CYP4F2: variants seen among roughly 807,000 people sequenced by gnomAD.
CYP4F2 encodes the protein cytochrome P450 4F2.
A neutral mutation model predicts 58.9 loss-of-function variants in CYP4F2; 58 were observed. The observed-to-expected ratio is 0.98, with a 90% CI of 0.80 to 1.23. The LOEUF is 1.23. Ranked by LOEUF, CYP4F2 falls within the 50% of genes most tolerant of loss-of-function variation. The probability of loss-of-function intolerance (pLI) is 0.00; values close to 1 mark genes in which losing one functional copy is unlikely to be tolerated. For missense variants in CYP4F2, 616 were observed against 685.6 expected, an observed-to-expected ratio of 0.90 and a Z score of 1.13; for synonymous variants, 287 against 261.1, an observed-to-expected ratio of 1.10 and a Z score of -0.95.
At chr19:15,883,016 C>T (rs535554805) in intron 9 of CYP4F2, among the ~76,000 whole-genome samples, 128 of 152,246 alleles carry the variant, frequency 8.4e-4, no homozygotes, top group Admixed American at 2.4e-3. Flanking sequence ...TTAACCACAT[C>T]CATAATTTTG....
Position 15,892,322 on chromosome 19 carries a change from A to T in CYP4F2, c.512T>A (p.Val171Glu). ...KPYMKIFNES[V>E]NIMHAKWQLL... ...CAAATAACTCACGTGCATGATGTTC[A>T]CACTCTCATTGAAAATCTTCATATA... Residue 171 changes from valine to glutamate, a missense_variant, in exon 5 of 13, where the codon GTG (valine) becomes GAG (glutamate). Physicochemically the swap from Val to Glu is moderately radical, Grantham distance 121. Transcript: ENST00000221700. 6.2e-7 allele frequency: 1 copy of T among 1,614,176 alleles called. No individual in the cohort carries two copies. Among genetic ancestry groups the T allele is most frequent in the Non-Finnish European group, 8.5e-7 (1 of 1,180,030 alleles).
intron 2 of CYP4F2, 96 bp downstream of exon 2, chr19:15,897,318 T>TC: frequency 9.0e-7 from 1 of 1,112,524 alleles, no homozygotes; most frequent in Non-Finnish European, 1.3e-6. Context: ...CCACCCCAGA[T>TC]CCCAGCCCAC....
Position 15,890,335 on chromosome 19 carries a change from GA to G in CYP4F2, c.623del (p.Phe208SerfsTer97). 1 of 1,614,132 alleles carries G rather than the reference GA, an allele frequency of 6.2e-7. No individual in the cohort carries two copies. The highest frequency in any genetic ancestry group is 1.1e-5 in the South Asian group (1 of 91,074). Reference sequence around the variant, plus strand: ...ACTCCTGACAATGGCTGTCAAAGCTGAAGACACATTTCTGTAGACTGTCCAA... The same window carrying G: ...ACTCCTGACAATGGCTGTCAAAGCTGAGACACATTTCTGTAGACTGTCCAA... ...MTLDSLQKCV[F>X]SFDSHCQEKP... On this transcript the variant is annotated frameshift_variant, in exon 6 of 13. Coordinates refer to ENST00000221700, the MANE Select transcript of CYP4F2 (RefSeq NM_001082.5). LOFTEE classifies it high-confidence loss of function.
At position 15,895,510 on chromosome 19, in the gene CYP4F2, G is replaced by C. The variant is rs762075549; in HGVS notation, c.339C>G (p.Ala113=). ...HPDIIRSVIN[A]SAAIAPKDKF... is the part of the protein sequence containing the mutation. ...ACCAGCTGTTCCAGATGGTACCTGA[G>C]GCGTTGATGACAGACCGGATGATGT... The change falls in exon 3 of 13, where the codon GCC becomes GCG. Residue 113 remains alanine, a synonymous_variant. Transcript: ENST00000221700. The C allele has an allele frequency of 2.0e-6, 3 of 1,517,926 alleles. No individual in the cohort carries two copies. Among genetic ancestry groups the C allele is most frequent in the Non-Finnish European group, 2.6e-6 (3 of 1,142,650 alleles). 94.0% of individuals were successfully genotyped at this position (1,517,926 alleles called of 1,614,324 possible).
At chr19:15,893,878 G>A (rs973120638) in intron 3 of CYP4F2, 36 of 266,056 alleles carry the variant, frequency 1.4e-4, no homozygotes, top group Non-Finnish European at 2.2e-4. Context: ...TCTGAGCTGT[G>A]AATCTGGAGA....
At position 15,889,537 on chromosome 19, in the gene CYP4F2, A is replaced by C; in HGVS notation, c.804T>G (p.Asp268Glu). ...TGCGGCGCCGCTCCTGGATGACGGC[A>C]TCTGTGAAGTCGTGCACCAGGCGGC... ...RACRLVHDFT[D>E]AVIQERRRTL... Residue 268 changes from aspartate (D) to glutamate (E), a missense_variant, in exon 7 of 13, where the codon GAT becomes GAG. Transcript: ENST00000221700. 1 of 1,614,218 alleles carries C rather than the reference A, an allele frequency of 6.2e-7. No individual in the cohort carries two copies. The highest frequency in any genetic ancestry group is 8.5e-7 in the Non-Finnish European group (1 of 1,180,044).
chr19:15,882,584 G>A (rs559446853), intron 9 of CYP4F2, among the ~76,000 whole-genome samples: 1 of 34,408 alleles, frequency 2.9e-5, no homozygotes, highest in Admixed American at 2.1e-4. Flanking sequence ...ATATATATAT[G>A]TTCTCAACAT....
chr19:15,883,240 ATATAT>A (rs1480197283), intron 9 of CYP4F2, among the ~76,000 whole-genome samples: 1 of 152,196 alleles, frequency 6.6e-6, no homozygotes, highest in African/African-American at 2.4e-5. Context: ...AATAACCAGA[ATATAT>A]TATATAAGGA....
chr19:15,885,532 T>G (rs1172830482), intron 9 of CYP4F2, among the ~76,000 whole-genome samples: 2 of 152,146 alleles, frequency 1.3e-5, no homozygotes, highest in African/African-American at 2.4e-5. Flanking sequence ...TAGGTCTCCC[T>G]TATAAAACCC....
intron 9 of CYP4F2, among the ~76,000 whole-genome samples, chr19:15,884,997 C>CTACCATCT (rs146375791): frequency 0.13 from 19,646 of 152,098 alleles, 1,490 homozygotes; most frequent in Non-Finnish European, 0.17. Context: ...CCACAGCCAG[C>CTACCATCT]CCCTGCTACC....
At chr19:15,885,888 A>G in intron 9 of CYP4F2, 36 bp downstream of exon 9, 1 of 1,596,552 alleles carries the variant, frequency 6.3e-7, no homozygotes, top group Non-Finnish European at 8.5e-7. Flanking sequence ...GCCAATGAGA[A>G]GGTCTCAGGA....
chr19:15,893,313 A>C (rs1324212814), intron 3 of CYP4F2, among the ~76,000 whole-genome samples: 3 of 152,102 alleles, frequency 2.0e-5, no homozygotes, highest in Non-Finnish European at 4.4e-5. Flanking sequence ...GACCTCACAC[A>C]ACGCCCAGAT....
chr19:15,886,687 T>C (rs569844828), intron 7 of CYP4F2, among the ~76,000 whole-genome samples: 4 of 152,330 alleles, frequency 2.6e-5, no homozygotes, highest in African/African-American at 9.6e-5. Flanking sequence ...GTGATAAATC[T>C]AGAGAATCTT....
intron 1 of CYP4F2, 170 bp downstream of exon 1, chr19:15,897,856 C>T (rs2089457988): frequency 2.4e-5 from 11 of 460,358 alleles, no homozygotes; most frequent in Non-Finnish European, 4.2e-5. Context: ...TGATTAAAGT[C>T]CAGAAAGGCC....
At chr19:15,881,565 G>A (rs1190772012) in intron 9 of CYP4F2, among the ~76,000 whole-genome samples, 82 of 149,984 alleles carry the variant, frequency 5.5e-4, no homozygotes, top group African/African-American at 1.6e-3. Flanking sequence ...GATAGATGAT[G>A]GATAGATAGA....
At chr19:15,891,754 G>A (rs2089417740) in intron 5 of CYP4F2, among the ~76,000 whole-genome samples, 1 of 152,120 alleles carries the variant, frequency 6.6e-6, no homozygotes, top group African/African-American at 2.4e-5. Context: ...TCATAGGGAG[G>A]AACATCCAGG....
chr19:15,879,117 A>G (rs77076703), intron 12 of CYP4F2, among the ~76,000 whole-genome samples, 181 bp from the exon 13 acceptor site: 32 of 151,926 alleles, frequency 2.1e-4, no homozygotes, highest in African/African-American at 7.0e-4. Flanking sequence ...CCGAGCTCCA[A>G]CCCCCAGCCT....
chr19:15,890,462 CA>C, intron 5 of CYP4F2, 29 bp from the exon 6 acceptor site: 1 of 1,612,850 alleles, frequency 6.2e-7, no homozygotes, highest in Non-Finnish European at 8.5e-7. Context: ...AGAGCTGGGG[CA>C]GGCTCCTTGC....
chr19:15,892,763 T>C (rs1415662205), intron 3 of CYP4F2, among the ~76,000 whole-genome samples, 181 bp from the exon 4 acceptor site: 1 of 152,096 alleles, frequency 6.6e-6, no homozygotes, highest in Non-Finnish European at 1.5e-5. Context: ...CAGACCAGGC[T>C]ACAGCAGCAC....
Sources: allele counts gnomAD v4.1 joint callset (sites outside exome capture counted in the v4.1 genomes callset), GRCh38; gene constraint gnomAD v4.1.1; transcripts MANE v1.5; gene names NCBI Gene and HGNC (gene_info 2026-07-23, HGNC 2026-07-21).